CAST: variants seen among roughly 807,000 people sequenced by gnomAD.
The protein encoded by CAST is MIR583 host.
Under a neutral mutation model 119.6 loss-of-function variants are expected in CAST, and 76 were observed. That is an observed-to-expected ratio of 0.64 (90% CI 0.53 to 0.77). The LOEUF is 0.77. Ranked by LOEUF, CAST falls within the 30% of genes least tolerant of loss-of-function variation. CAST has a pLI of 0.00. For synonymous variants in CAST, 319 were observed against 331.6 expected (o/e 0.96, Z 0.41); for missense variants, 953 against 946.5 (o/e 1.01, Z -0.09).
chr5:95,983,539 A>G, the CAST span, among the ~76,000 whole-genome samples: 1 of 152,162 alleles, frequency 6.6e-6, no homozygotes, highest in Non-Finnish European at 1.5e-5. Flanking sequence ...TACAATTTGC[A>G]TTTTGTCCAT....
the CAST span, among the ~76,000 whole-genome samples, chr5:96,064,360 A>C: frequency 0.75 from 113,986 of 151,980 alleles, 42,852 homozygotes; most frequent in South Asian, 0.88. Context: ...GAGTTTCCAG[A>C]CTTAATCTAA....
the CAST span, among the ~76,000 whole-genome samples, chr5:96,450,959 G>C: frequency 7.2e-5 from 11 of 152,206 alleles, no homozygotes; most frequent in African/African-American, 2.2e-4. Context: ...AACTGAATAA[G>C]AGTTCATATA....
the CAST span, chr5:96,429,178 G>A: frequency 9.7e-7 from 1 of 1,026,914 alleles, no homozygotes; most frequent in Non-Finnish European, 1.5e-6. Context: ...AGATAAGCTA[G>A]AGTATTGGTT....
At chr5:96,387,023 AT>A in the CAST span, among the ~76,000 whole-genome samples, 1 of 152,184 alleles carries the variant, frequency 6.6e-6, no homozygotes, top group Admixed American at 6.5e-5. Context: ...ACTTCTCTGC[AT>A]TATCTTATTT....
At chr5:96,555,641 C>G (rs1189073742) in intron 1 of CAST, among the ~76,000 whole-genome samples, 5 of 152,206 alleles carry the variant, frequency 3.3e-5, no homozygotes, top group Non-Finnish European at 7.4e-5. Flanking sequence ...GCATAGCAGT[C>G]TGAGATCTAA....
At chr5:96,675,454 G>A (rs796625580) in intron 1 of CAST, 85 bp from the exon 2 acceptor site, 3 of 902,156 alleles carry the variant, frequency 3.3e-6, no homozygotes, top group Non-Finnish European at 5.5e-6. Flanking sequence ...TTTAAAAAAG[G>A]GTATGCATTT....
chr5:96,138,627 G>C, the CAST span, among the ~76,000 whole-genome samples: 1 of 151,872 alleles, frequency 6.6e-6, no homozygotes, highest in Non-Finnish European at 1.5e-5. Flanking sequence ...CATTTATTTA[G>C]ATGGTTTTTA....
At chr5:96,153,947 AAT>A in the CAST span, among the ~76,000 whole-genome samples, 1 of 152,178 alleles carries the variant, frequency 6.6e-6, no homozygotes, top group Non-Finnish European at 1.5e-5. Flanking sequence ...GCAGGGTCTC[AAT>A]ATGTTATTAT....
the CAST span, among the ~76,000 whole-genome samples, chr5:96,324,567 T>C: frequency 6.6e-6 from 1 of 152,244 alleles, no homozygotes; most frequent in Non-Finnish European, 1.5e-5. Context: ...TCATTTCATC[T>C]TGTGGTAATT....
At chr5:96,380,863 C>T in the CAST span, among the ~76,000 whole-genome samples, 8,539 of 152,122 alleles carry the variant, frequency 0.056, 742 homozygotes, top group African/African-American at 0.19. Context: ...TACAAAATTA[C>T]GCGTGGGTAA....
chr5:96,074,147 C>T, the CAST span, among the ~76,000 whole-genome samples: 1 of 152,150 alleles, frequency 6.6e-6, no homozygotes, highest in Non-Finnish European at 1.5e-5. Context: ...CACCTGCTAC[C>T]TCGCTTCCCT....
At chr5:96,591,355 T>A (rs1457083) in intron 1 of CAST, among the ~76,000 whole-genome samples, 65,072 of 152,070 alleles carry the variant, frequency 0.43, 15,303 homozygotes, top group East Asian at 0.66. Context: ...AGCTTGGGGA[T>A]GGTGAACAGA....
intron 1 of CAST, among the ~76,000 whole-genome samples, chr5:96,668,150 GCACACACA>G (rs10534655): frequency 4.0e-5 from 6 of 149,626 alleles, no homozygotes; most frequent in Non-Finnish European, 7.4e-5. Context: ...AGACACGCGT[GCACACACA>G]CACACACACA....
the CAST span, among the ~76,000 whole-genome samples, chr5:96,086,050 A>G: frequency 1.3e-5 from 2 of 152,348 alleles, no homozygotes; most frequent in East Asian, 1.9e-4. Flanking sequence ...AAAACAGCAT[A>G]GTATTTATAT....
the CAST span, among the ~76,000 whole-genome samples, chr5:96,396,963 G>T: frequency 2.0e-5 from 3 of 152,186 alleles, no homozygotes; most frequent in Non-Finnish European, 4.4e-5. Context: ...ATGTGACTCT[G>T]GCAGAATGTC....
the CAST span, among the ~76,000 whole-genome samples, chr5:96,224,479 T>G: frequency 6.6e-6 from 1 of 152,052 alleles, no homozygotes; most frequent in Admixed American, 6.6e-5. Flanking sequence ...ACACCTGTCT[T>G]TAAGAGTGAG....
At chr5:95,993,296 C>T in the CAST span, among the ~76,000 whole-genome samples, 1 of 152,110 alleles carries the variant, frequency 6.6e-6, no homozygotes, top group African/African-American at 2.4e-5. Flanking sequence ...AATGTAAGGG[C>T]TAAAGCTAGA....
At chr5:96,419,095 T>C in the CAST span, among the ~76,000 whole-genome samples, 1 of 152,024 alleles carries the variant, frequency 6.6e-6, no homozygotes. Flanking sequence ...GCCATATATA[T>C]ACATATGCAC....
the CAST span, among the ~76,000 whole-genome samples, chr5:96,339,089 C>T: frequency 6.6e-6 from 1 of 152,060 alleles, no homozygotes; most frequent in Non-Finnish European, 1.5e-5. Flanking sequence ...TAATGAGGGG[C>T]CAGGTCTCCA....
Sources: gnomAD v4.1 joint callset for allele counts (sites outside exome capture counted in the v4.1 genomes callset) on GRCh38, gnomAD v4.1.1 for gene constraint, MANE v1.5 for transcripts, NCBI Gene and HGNC (gene_info 2026-07-23, HGNC 2026-07-21) for gene names.